SAMD11: variants seen among roughly 807,000 people sequenced by gnomAD.
SAMD11 encodes sterile alpha motif domain containing 11.
SAMD11 carries 77 observed loss-of-function variants against 64.4 expected under a neutral mutation model. The observed-to-expected ratio is 1.20, with a 90% CI of 0.99 to 1.44. The LOEUF is 1.44. Among genes scored for constraint, SAMD11 ranks in the 40% most tolerant of loss-of-function variants. The pLI, the probability that SAMD11 is intolerant of heterozygous loss-of-function variation, is 0.00. For missense variants in SAMD11, 1,402 were observed against 943.3 expected, an observed-to-expected ratio of 1.49 and a Z score of -6.37; for synonymous variants, 658 against 421.9, an observed-to-expected ratio of 1.56 and a Z score of -6.86.
intron 2 of SAMD11, 76 bp downstream of exon 2, chr1:926,089 C>G: frequency 1.4e-6 from 2 of 1,435,466 alleles, no homozygotes; most frequent in Non-Finnish European, 1.9e-6. Context: ...TCAGGGTTTT[C>G]AGGATCGAGA....
rs1642003556 is a variant in SAMD11 at position 944,113 on chromosome 1, T to C, written c.2495T>C (p.Leu832Pro). 4 of 1,605,326 alleles carry C rather than the reference T, an allele frequency of 2.5e-6. No individual in the cohort carries two copies. Among genetic ancestry groups the C allele is most frequent in the East Asian group, 2.2e-5 (1 of 44,666 alleles). ...SPKQENGTLA[L>P]LPGAPDPSQP... ...AAGCAGGAGAATGGGACCTTGGCTC[T>C]ACTTCCAGGGGCCCCCGACCCTTCC... Residue 832 changes from leucine (L) to proline (P), a missense_variant, in exon 14 of 14, where the codon CTA becomes CCA. By Grantham distance (98) the Leu-to-Pro change is moderately conservative. Coordinates refer to ENST00000616016, the MANE Select transcript of SAMD11 (RefSeq NM_001385641.1).
Position 942,506 on chromosome 1 carries a change from G to GGCGGGGCC in SAMD11, c.1553+22_1553+29dup, listed in dbSNP as rs1481499451. On this transcript the variant is annotated intron_variant, in intron 10 of 13. Transcript: ENST00000616016. ...CTGGCCCGGTAGGTGCGGGGAGGCG[G>GGCGGGGCC]GCGGGGCCGCGCGGCCCGGGAGGCG... 8 of 1,455,032 alleles carry GGCGGGGCC rather than the reference G, an allele frequency of 5.5e-6. No homozygotes were observed. In the South Asian group the frequency reaches 6.7e-5, roughly 12 times the overall value. 90.1% of individuals were successfully genotyped at this position (1,455,032 alleles called of 1,614,324 possible).
In SAMD11 at chr1:943,910, G is replaced by T; in HGVS notation, c.2292G>T (p.Val764=). ...CCCACCAGGCCATCTCTCTGCAGGTGGCCAGGCGCCTGGGCCGAGTTTTCT... is the reference window on the plus strand; with the variant it reads ...CCCACCAGGCCATCTCTCTGCAGGTTGCCAGGCGCCTGGGCCGAGTTTTCT... The part of the protein sequence containing the change: ...LGPALKIRAQ[V]ARRLGRVFYV... Residue 764 remains valine (V), a splice_region_variant and synonymous_variant, in exon 14 of 14, where the codon GTG becomes GTT. Coordinates refer to ENST00000616016, the MANE Select transcript of SAMD11 (RefSeq NM_001385641.1). The T allele has an allele frequency of 1.2e-6, 2 of 1,612,828 alleles. No individual in the cohort carries two copies. The highest frequency in any genetic ancestry group is 2.2e-5 in the South Asian group (2 of 91,088).
intron 6 of SAMD11, 63 bp downstream of exon 6, chr1:939,192 C>T: frequency 6.4e-7 from 1 of 1,552,278 alleles, no homozygotes. Flanking sequence ...TGAGGGTCCC[C>T]TGGACCTCGA....
In SAMD11 at chr1:942,442, A is replaced by T. The variant is rs573678551; in HGVS notation, c.1507A>T (p.Met503Leu). Residue 503 changes from methionine (M) to leucine (L), a missense_variant, in exon 10 of 14, where the codon ATG (methionine) becomes TTG (leucine). Transcript: ENST00000616016. ...CTTCCTGCCCCCCGCGCAGGCGGAG[A>T]TGTTCGCCTGGCAGCAGGAGCTCCT... ...YGFLPPAQAE[M>L]FAWQQELLRK... 1.3e-6 allele frequency: 2 copies of T among 1,483,782 alleles called. No homozygotes were observed. Among genetic ancestry groups the T allele is most frequent in the East Asian group, 5.8e-5 (2 of 34,420 alleles). The allele number at this position is 1,483,782 out of a possible 1,614,324, so 91.9% of individuals were successfully genotyped here.
intron 2 of SAMD11, among the ~76,000 whole-genome samples, chr1:929,907 G>A (rs981689629): frequency 6.6e-6 from 1 of 152,302 alleles, no homozygotes. Context: ...CTGCGGCCCC[G>A]TCTCTCGGCT....
intron 4 of SAMD11, among the ~76,000 whole-genome samples, chr1:932,837 C>T (rs376024951): frequency 3.3e-5 from 5 of 152,236 alleles, no homozygotes; most frequent in Admixed American, 1.3e-4. Context: ...CTCAGGAACC[C>T]GGGGTGGCAG....
At position 944,251 on chromosome 1, in the gene SAMD11, A is replaced by T. The variant is rs1642013003; in HGVS notation, c.*98A>T. The T allele has an allele frequency of 6.9e-7, 1 of 1,457,158 alleles. No individual in the cohort carries two copies. Among genetic ancestry groups the T allele is most frequent in the African/African-American group, 1.4e-5 (1 of 69,940 alleles). The allele number at this position is 1,457,158 out of a possible 1,614,324, so 90.3% of individuals were successfully genotyped here. A position where few individuals can be genotyped will look rare whatever the true frequency, so the allele number is the denominator to read the frequency against. ...ACCGCTTTATTTCTTTCGGTTTCGG[A>T]TGCAAAACAAAAAATTTTAAAAGAA... On this transcript the variant is annotated 3_prime_UTR_variant, in exon 14 of 14. Transcript: ENST00000616016.
At chr1:937,089 G>A (rs1468589100) in intron 5 of SAMD11, among the ~76,000 whole-genome samples, 1 of 152,138 alleles carries the variant, frequency 6.6e-6, no homozygotes, top group Non-Finnish European at 1.5e-5. Flanking sequence ...TCCTGGACCC[G>A]TGTCCAGGTC....
chr1:933,741 T>TC (rs548428268), intron 4 of SAMD11, among the ~76,000 whole-genome samples: 4 of 151,350 alleles, frequency 2.6e-5, no homozygotes, highest in Non-Finnish European at 5.9e-5. Flanking sequence ...CCTATGTGCC[T>TC]GGGGGGGGCT....
rs529021957 is a variant in SAMD11 at position 937,458 on chromosome 1, G to A, written c.967+1562G>A. 2.1e-3 allele frequency among the ~76,000 whole-genome samples: 299 copies of A among 142,664 alleles called. 3 individuals are homozygous for A. The highest frequency in any genetic ancestry group is 7.2e-3 in the African/African-American group (280 of 39,052). The allele number at this position is 142,664 out of a possible 152,430, so 93.6% of individuals were successfully genotyped here. ...AGGAGGCCTTAGCCCCCCACAGAAC[G>A]GAGAGGGTAGTTTCCACTGTGTACA... On this transcript the variant is annotated intron_variant, in intron 5 of 13. Coordinates refer to ENST00000616016, the MANE Select transcript of SAMD11 (RefSeq NM_001385641.1).
At chr1:940,636 C>T (rs1165801435) in intron 7 of SAMD11, among the ~76,000 whole-genome samples, 2 of 152,042 alleles carry the variant, frequency 1.3e-5, no homozygotes, top group Admixed American at 6.5e-5. Flanking sequence ...GGGACAGTGA[C>T]CCTGCGCAGC....
At chr1:940,638 C>T (rs541420817) in intron 7 of SAMD11, among the ~76,000 whole-genome samples, 5 of 152,284 alleles carry the variant, frequency 3.3e-5, no homozygotes, top group African/African-American at 1.2e-4. Flanking sequence ...GACAGTGACC[C>T]TGCGCAGCCG....
intron 2 of SAMD11, among the ~76,000 whole-genome samples, chr1:926,816 TG>T (rs1640914386): frequency 6.6e-6 from 1 of 152,126 alleles, no homozygotes; most frequent in Non-Finnish European, 1.5e-5. Context: ...ATTAGGGCCA[TG>T]GCTGCTGGGG....
In SAMD11 at chr1:925,918, G is replaced by A. The variant is rs550164690; in HGVS notation, c.518-4G>A. On this transcript the variant is annotated splice_region_variant and splice_polypyrimidine_tract_variant and intron_variant, in intron 1 of 13. Transcript: ENST00000616016. ...CACAGGGTCTGCCTCGGCTCTGCTC[G>A]CAGGGAAAAGTCTGAAGACGCTTAT... 166 of 1,607,250 alleles carry A rather than the reference G, an allele frequency of 1.0e-4. 3 individuals are homozygous for A. The South Asian group carries it at 1.7e-3, about 17-fold the overall frequency.
intron 4 of SAMD11, among the ~76,000 whole-genome samples, chr1:935,491 G>A (rs1328908803): frequency 2.0e-5 from 3 of 152,192 alleles, no homozygotes; most frequent in Non-Finnish European, 2.9e-5. Flanking sequence ...CCTGTGGAGG[G>A]CGTGAAGGCA....
intron 5 of SAMD11, 25 bp downstream of exon 5, chr1:935,921 GC>G: frequency 6.2e-7 from 1 of 1,608,026 alleles, no homozygotes; most frequent in Non-Finnish European, 8.5e-7. Flanking sequence ...GGGCCTGAGG[GC>G]GGGGTCGGGG....
intron 2 of SAMD11, among the ~76,000 whole-genome samples, chr1:929,452 CAG>C (rs1641065776): frequency 6.6e-6 from 1 of 152,228 alleles, no homozygotes; most frequent in Admixed American, 6.5e-5. Context: ...GGGTTCAGCT[CAG>C]ACAGTTGCCA....
chr1:943,308 C>T lies in SAMD11; in HGVS notation c.2109C>T (p.Val703=). 6.2e-7 allele frequency: 1 copy of T among 1,612,286 alleles called. No individual in the cohort carries two copies. The change falls in exon 12 of 14, where the codon GTC becomes GTT. Residue 703 remains valine, a synonymous_variant. Transcript: ENST00000616016. ...DGEEAPAPED[V]TKWTVDDVCS... ...AGGAGGCCCCAGCCCCTGAGGACGTCACCAAGTGGACCGTGGATGACGTCT... is the reference window on the plus strand; with the variant it reads ...AGGAGGCCCCAGCCCCTGAGGACGTTACCAAGTGGACCGTGGATGACGTCT...
Sources: gnomAD v4.1 joint callset for allele counts (sites outside exome capture counted in the v4.1 genomes callset) on GRCh38, gnomAD v4.1.1 for gene constraint, MANE v1.5 for transcripts, NCBI Gene and HGNC (gene_info 2026-07-23, HGNC 2026-07-21) for gene names.